The following ATP8A2 variants were observed in gnomAD, a reference collection of about 807,000 sequenced individuals.
The protein encoded by ATP8A2 is ATPase phospholipid transporting 8A2.
In ATP8A2, 100 loss-of-function variants were observed where a neutral mutation model predicts 165.6. That is an observed-to-expected ratio of 0.60 (90% CI 0.51 to 0.71). The LOEUF is 0.71. Among genes scored for constraint, ATP8A2 ranks in the 30% least tolerant of loss-of-function variants. The pLI is 0.00. For synonymous variants in ATP8A2, 543 were observed against 548.8 expected (o/e 0.99, Z 0.15); for missense variants, 1,227 against 1,479.5 (o/e 0.83, Z 2.80).
At chr13:25,586,628 T>C (rs995345669) in intron 23 of ATP8A2, among the ~76,000 whole-genome samples, 7 of 152,224 alleles carry the variant, frequency 4.6e-5, no homozygotes, top group Admixed American at 1.3e-4. Flanking sequence ...GACCAGATTC[T>C]CTGTAAAGCT....
At chr13:25,463,902 C>T (rs2035567842) in intron 1 of ATP8A2, among the ~76,000 whole-genome samples, 1 of 152,100 alleles carries the variant, frequency 6.6e-6, no homozygotes, top group Non-Finnish European at 1.5e-5. Flanking sequence ...CTCTCCTCTG[C>T]CCTTCCCTGT....
intron 27 of ATP8A2, among the ~76,000 whole-genome samples, chr13:25,797,347 A>G (rs1252042742): frequency 3.3e-5 from 5 of 152,190 alleles, no homozygotes; most frequent in Non-Finnish European, 7.3e-5. Flanking sequence ...GAGGTGATGG[A>G]TACGCTATTT....
intron 24 of ATP8A2, among the ~76,000 whole-genome samples, chr13:25,648,717 A>G (rs2041739052): frequency 6.6e-6 from 1 of 152,238 alleles, no homozygotes; most frequent in Admixed American, 6.5e-5. Flanking sequence ...AAGCCTATGC[A>G]CATCCTCCCA....
At chr13:25,831,829 C>T (rs553161863) in intron 28 of ATP8A2, among the ~76,000 whole-genome samples, 30 of 152,114 alleles carry the variant, frequency 2.0e-4, no homozygotes, top group African/African-American at 7.2e-4. Context: ...GGCAACAGAG[C>T]AAGACTCTGT....
intron 1 of ATP8A2, among the ~76,000 whole-genome samples, chr13:25,465,712 T>C (rs1353660027): frequency 4.1e-4 from 5 of 12,124 alleles, no homozygotes; most frequent in Admixed American, 1.4e-3. Context: ...TCTTTCTTTC[T>C]TTCTTTCTTT....
At chr13:25,742,898 T>C (rs755972786) in intron 25 of ATP8A2, among the ~76,000 whole-genome samples, 2 of 152,076 alleles carry the variant, frequency 1.3e-5, no homozygotes, top group Admixed American at 1.3e-4. Flanking sequence ...GGTGCTCTTA[T>C]AGCACAGCCC....
intron 30 of ATP8A2, among the ~76,000 whole-genome samples, chr13:25,859,327 TAACA>T (rs58361118): frequency 0.013 from 1,990 of 152,232 alleles, 47 homozygotes; most frequent in African/African-American, 0.044. Flanking sequence ...TATACCTTTG[TAACA>T]AACCTGCGCA....
chr13:26,006,254 A>T (rs1956733874), intron 35 of ATP8A2, among the ~76,000 whole-genome samples: 1 of 151,882 alleles, frequency 6.6e-6, no homozygotes. Context: ...ATTATTCCCG[A>T]GTATTTTATT....
intron 1 of ATP8A2, among the ~76,000 whole-genome samples, chr13:25,401,468 A>G (rs771689834): frequency 7.2e-5 from 11 of 152,206 alleles, no homozygotes; most frequent in Non-Finnish European, 1.3e-4. Context: ...TGTGGTAAGA[A>G]GGCTCTTGTT....
At chr13:25,724,073 C>T (rs1188664228) in intron 25 of ATP8A2, among the ~76,000 whole-genome samples, 2 of 152,162 alleles carry the variant, frequency 1.3e-5, no homozygotes, top group Non-Finnish European at 2.9e-5. Context: ...GAACTGAATT[C>T]TGTCACAGCC....
intron 30 of ATP8A2, among the ~76,000 whole-genome samples, chr13:25,852,391 A>C (rs1476434634): frequency 6.6e-6 from 1 of 152,158 alleles, no homozygotes; most frequent in Non-Finnish European, 1.5e-5. Flanking sequence ...ACTCTGGGCT[A>C]ATGAAATGTC....
chr13:25,928,217 A>G (rs1954667326), intron 33 of ATP8A2, among the ~76,000 whole-genome samples: 1 of 152,242 alleles, frequency 6.6e-6, no homozygotes, highest in Non-Finnish European at 1.5e-5. Context: ...GTTAGGGAAG[A>G]GGAGAGAGTC....
At chr13:25,597,980 C>G (rs981720397) in intron 24 of ATP8A2, among the ~76,000 whole-genome samples, 1 of 151,772 alleles carries the variant, frequency 6.6e-6, no homozygotes, top group Non-Finnish European at 1.5e-5. Flanking sequence ...AAGAGTGCCT[C>G]TTGTGTTTAC....
intron 33 of ATP8A2, among the ~76,000 whole-genome samples, chr13:25,893,022 A>G (rs1027212337): frequency 1.3e-4 from 19 of 150,454 alleles, no homozygotes; most frequent in African/African-American, 4.4e-4. Context: ...TCCAGAGAAG[A>G]TTTTTTTTTC....
intron 1 of ATP8A2, among the ~76,000 whole-genome samples, chr13:25,424,261 TG>T (rs1291480388): frequency 1.3e-5 from 2 of 152,230 alleles, no homozygotes; most frequent in African/African-American, 4.8e-5. Context: ...AATGATTCCA[TG>T]TTTCCACTCA....
chr13:25,671,670 G>C (rs1351356681), intron 24 of ATP8A2, among the ~76,000 whole-genome samples: 1 of 151,754 alleles, frequency 6.6e-6, no homozygotes, highest in Non-Finnish European at 1.5e-5. Flanking sequence ...AATAAATTTT[G>C]GTCAGACCGG....
At chr13:25,392,709 G>C (rs1384619197) in intron 1 of ATP8A2, among the ~76,000 whole-genome samples, 2 of 152,108 alleles carry the variant, frequency 1.3e-5, no homozygotes, top group African/African-American at 2.4e-5. Flanking sequence ...CTTCAGAGCA[G>C]TGACCCCATT....
chr13:25,883,475 G>A lies in ATP8A2; in HGVS notation c.3183+21067G>A, dbSNP rs1566234638. On this transcript the variant is annotated intron_variant, in intron 33 of 36. Coordinates refer to ENST00000381655, the MANE Select transcript of ATP8A2 (RefSeq NM_016529.6). ...GTTATGATTACAAACTGGGGTGTGT[G>A]CAAGTCTCTCACCCACTGGACTGTC... 2.0e-5 allele frequency among the ~76,000 whole-genome samples: 3 copies of A among 152,328 alleles called. No individual in the cohort carries two copies. The South Asian group carries it at 6.2e-4, about 32-fold the overall frequency.
intron 24 of ATP8A2, among the ~76,000 whole-genome samples, chr13:25,673,359 T>C (rs1218831113): frequency 6.6e-6 from 1 of 152,218 alleles, no homozygotes; most frequent in Non-Finnish European, 1.5e-5. Context: ...AGATTACCCA[T>C]GATGTGGCAA....
Sources: allele counts gnomAD v4.1 joint callset (sites outside exome capture counted in the v4.1 genomes callset), GRCh38; gene constraint gnomAD v4.1.1; transcripts MANE v1.5; gene names NCBI Gene and HGNC (gene_info 2026-07-23, HGNC 2026-07-21).